Variants in TMOD2 observed in about 807,000 individuals in gnomAD.
The protein encoded by TMOD2 is tropomodulin 2.
In TMOD2, 22 loss-of-function variants were observed where a neutral mutation model predicts 39.9. The ratio of observed to expected loss-of-function variants is 0.55; its 90% CI spans 0.39 to 0.79. The LOEUF is 0.79. Ranked by LOEUF, TMOD2 falls within the 30% of genes least tolerant of loss-of-function variation. TMOD2 has a pLI of 0.00. For synonymous variants in TMOD2, 123 were observed against 146.1 expected (o/e 0.84, Z 1.14); for missense variants, 386 against 413.3 (o/e 0.93, Z 0.57).
Position 51,789,401 on chromosome 15 carries a change from G to A in TMOD2, c.732+6573G>A, listed in dbSNP as rs182802231. ...TACAAAGAGACTTAGACTCCCACAC[G>A]ATAATAATGGGAGACTTTAACACCC... On this transcript the variant is annotated intron_variant, in intron 7 of 9. Coordinates refer to ENST00000249700, the MANE Select transcript of TMOD2 (RefSeq NM_014548.4). Among the ~76,000 whole-genome samples, 50 of 152,162 alleles carry A rather than the reference G, an allele frequency of 3.3e-4. No individual in the cohort carries two copies. The East Asian group carries it at 6.8e-3, about 21-fold the overall frequency.
chr15:51,785,969 C>T (rs1194708045), intron 7 of TMOD2, among the ~76,000 whole-genome samples: 1 of 152,016 alleles, frequency 6.6e-6, no homozygotes, highest in Non-Finnish European at 1.5e-5. Context: ...TTAATTTAAA[C>T]ATTTTTAATT....
chr15:51,775,913 TA>T (rs2055885878), intron 4 of TMOD2, among the ~76,000 whole-genome samples: 1 of 152,186 alleles, frequency 6.6e-6, no homozygotes, highest in Admixed American at 6.5e-5. Context: ...CAAGAATTTG[TA>T]AAGCATTTAG....
chr15:51,764,465 C>T (rs1335005575), intron 1 of TMOD2, among the ~76,000 whole-genome samples: 1 of 152,158 alleles, frequency 6.6e-6, no homozygotes, highest in Non-Finnish European at 1.5e-5. Flanking sequence ...CCTTAAGAGG[C>T]CCACCTGCAG....
chr15:51,773,602 G>A (rs930459559), intron 3 of TMOD2, 110 bp from the exon 4 acceptor site: 6 of 1,118,604 alleles, frequency 5.4e-6, no homozygotes, highest in Non-Finnish European at 6.3e-6. Context: ...GATATGAACT[G>A]GCTTAATTAT....
At chr15:51,759,142 T>C (rs184369077) in intron 1 of TMOD2, among the ~76,000 whole-genome samples, 1 of 152,260 alleles carries the variant, frequency 6.6e-6, no homozygotes, top group Admixed American at 6.5e-5. Context: ...TCAACACGTT[T>C]AGGTAAGGAC....
At chr15:51,802,242 C>G (rs1331763659) in intron 8 of TMOD2, among the ~76,000 whole-genome samples, 2 of 151,692 alleles carry the variant, frequency 1.3e-5, no homozygotes, top group Admixed American at 6.6e-5. Flanking sequence ...AGCTATTATT[C>G]TATTATTAAT....
In TMOD2 at chr15:51,782,888, A is replaced by G. The variant is rs957470045; in HGVS notation, c.732+60A>G. On this transcript the variant is annotated intron_variant, in intron 7 of 9. Coordinates refer to ENST00000249700, the MANE Select transcript of TMOD2 (RefSeq NM_014548.4). ...ATTTAATTCACTGGAAACTCTATTTACTTTGTTTCATTAGCTAACAATTTT... is the reference window on the plus strand; with the variant it reads ...ATTTAATTCACTGGAAACTCTATTTGCTTTGTTTCATTAGCTAACAATTTT... 4.7e-6 allele frequency: 7 copies of G among 1,504,658 alleles called. No individual in the cohort carries two copies. The Admixed American group carries it at 9.0e-5, about 19-fold the overall frequency. 93.2% of individuals were successfully genotyped at this position (1,504,658 alleles called of 1,614,324 possible).
intron 7 of TMOD2, 28 bp downstream of exon 7, chr15:51,782,856 T>A (rs1217815678): frequency 6.3e-7 from 1 of 1,580,588 alleles, no homozygotes; most frequent in African/African-American, 1.4e-5. Context: ...AAATATAACA[T>A]GAAGTTATTT....
intron 7 of TMOD2, among the ~76,000 whole-genome samples, chr15:51,794,541 C>A (rs1486863077): frequency 6.6e-6 from 1 of 152,058 alleles, no homozygotes; most frequent in Non-Finnish European, 1.5e-5. Flanking sequence ...ATAGAGAGAC[C>A]TGTTTCTACA....
intron 7 of TMOD2, among the ~76,000 whole-genome samples, chr15:51,791,087 A>T (rs2056008403): frequency 6.6e-6 from 1 of 152,218 alleles, no homozygotes; most frequent in Non-Finnish European, 1.5e-5. Context: ...AGATAACATG[A>T]TTGTATATTT....
intron 9 of TMOD2, 76 bp from the exon 10 acceptor site, chr15:51,808,344 G>A (rs916252344): frequency 2.5e-5 from 29 of 1,174,604 alleles, no homozygotes; most frequent in Non-Finnish European, 3.4e-5. Context: ...GTCATCTTAT[G>A]TGATTAATGT....
At chr15:51,800,062 A>C (rs569265870) in intron 8 of TMOD2, among the ~76,000 whole-genome samples, 12 of 152,328 alleles carry the variant, frequency 7.9e-5, no homozygotes, top group African/African-American at 2.6e-4. Flanking sequence ...ATGTGTCATC[A>C]AATATATGGG....
At chr15:51,804,153 G>T (rs55656001) in intron 8 of TMOD2, among the ~76,000 whole-genome samples, 4,702 of 152,324 alleles carry the variant, frequency 0.031, 90 homozygotes, top group Admixed American at 0.045. Flanking sequence ...GGGGAGGGAA[G>T]CTCACTGCAG....
chr15:51,785,274 C>T (rs372794852), intron 7 of TMOD2, among the ~76,000 whole-genome samples: 17 of 151,552 alleles, frequency 1.1e-4, no homozygotes, highest in South Asian at 2.1e-4. Context: ...TAGCCGGGCG[C>T]GGTGGCGGGC....
At chr15:51,752,037 C>G (rs1489441538) in intron 1 of TMOD2, among the ~76,000 whole-genome samples, 1 of 151,920 alleles carries the variant, frequency 6.6e-6, no homozygotes, top group Non-Finnish European at 1.5e-5. Flanking sequence ...TCCTCCCGGG[C>G]TGCGGGGCTG....
In TMOD2 at chr15:51,752,171, G is replaced by A. The variant is rs150233044; in HGVS notation, c.-70+459G>A. Among the ~76,000 whole-genome samples the A allele has an allele frequency of 4.4e-3, 667 of 152,192 alleles. 6 individuals are homozygous for A. Among genetic ancestry groups the A allele is most frequent in the African/African-American group, 0.015 (642 of 41,526 alleles). ...GGCGATGGGGAGGGGTGGACTGGCC[G>A]GCGTCTTTCCTGAGATCGCTGGAGC... On this transcript the variant is annotated intron_variant, in intron 1 of 9. Coordinates refer to ENST00000249700, the MANE Select transcript of TMOD2 (RefSeq NM_014548.4).
intron 9 of TMOD2, 83 bp from the exon 10 acceptor site, chr15:51,808,337 A>C (rs1371282318): frequency 4.5e-6 from 5 of 1,102,672 alleles, no homozygotes; most frequent in Non-Finnish European, 6.9e-6. Context: ...TGAGATTGTC[A>C]TCTTATGTGA....
intron 7 of TMOD2, among the ~76,000 whole-genome samples, chr15:51,790,902 T>C (rs565257704): frequency 6.6e-6 from 1 of 152,348 alleles, no homozygotes; most frequent in Admixed American, 6.5e-5. Flanking sequence ...AATATTATAC[T>C]GAATGGGCAA....
chr15:51,795,795 A>G (rs1031051044), intron 7 of TMOD2, among the ~76,000 whole-genome samples: 9 of 151,928 alleles, frequency 5.9e-5, no homozygotes, highest in African/African-American at 1.7e-4. Flanking sequence ...GTCTTCAGCC[A>G]TGCTTATTTT....
Sources: gnomAD v4.1 joint callset for allele counts (sites outside exome capture counted in the v4.1 genomes callset) on GRCh38, gnomAD v4.1.1 for gene constraint, MANE v1.5 for transcripts, NCBI Gene and HGNC (gene_info 2026-07-23, HGNC 2026-07-21) for gene names.